Variants in ATP8B4 observed in about 807,000 individuals in gnomAD.
The protein encoded by ATP8B4 is probable phospholipid-transporting ATPase IM.
Under a neutral mutation model 145.6 loss-of-function variants are expected in ATP8B4, and 133 were observed. The observed-to-expected ratio is 0.91, with a 90% CI of 0.79 to 1.05. The LOEUF (loss-of-function observed/expected upper bound fraction) is 1.05, where lower values mean the gene tolerates loss of function less well. Among genes scored for constraint, ATP8B4 ranks in the 50% least tolerant of loss-of-function variants. The probability of loss-of-function intolerance (pLI) is 0.00; values close to 1 mark genes in which losing one functional copy is unlikely to be tolerated. For synonymous variants in ATP8B4, 507 were observed against 492.9 expected, an observed-to-expected ratio of 1.03 and a Z score of -0.38; for missense variants, 1,458 against 1,425.2, an observed-to-expected ratio of 1.02 and a Z score of -0.37.
In ATP8B4 at chr15:49,923,406, A is replaced by G; in HGVS notation, c.1731T>C (p.Leu577=). ...FEKLHPSNEV[L]LSLTSDHLSE... ...TGAGGTGGTCTGACGTCAAAGACAA[A>G]AGGACTTCATTGGAAGGATGAAGTT... The change falls in exon 17 of 28, where the codon CTT becomes CTC. Residue 577 remains leucine, a synonymous_variant. Coordinates refer to ENST00000284509, the MANE Select transcript of ATP8B4 (RefSeq NM_024837.4). 1 of 1,612,966 alleles carries G rather than the reference A, an allele frequency of 6.2e-7. No individual in the cohort carries two copies. Among genetic ancestry groups the G allele is most frequent in the Non-Finnish European group, 8.5e-7 (1 of 1,179,050 alleles).
At chr15:50,179,689 C>T (rs925119486) in intron 1 of ATP8B4, among the ~76,000 whole-genome samples, 1 of 152,186 alleles carries the variant, frequency 6.6e-6, no homozygotes, top group African/African-American at 2.4e-5. Context: ...CCTCATAAAA[C>T]AGGCCCCAGA....
intron 1 of ATP8B4, among the ~76,000 whole-genome samples, chr15:50,147,736 T>G (rs1283469190): frequency 1.3e-5 from 2 of 152,090 alleles, no homozygotes; most frequent in African/African-American, 4.8e-5. Flanking sequence ...TTGAATTTTT[T>G]GAAAATTGCT....
At chr15:50,126,113 G>A (rs2057305403) in intron 1 of ATP8B4, among the ~76,000 whole-genome samples, 1 of 152,028 alleles carries the variant, frequency 6.6e-6, no homozygotes, top group African/African-American at 2.4e-5. Flanking sequence ...TACAGGAGAG[G>A]GGAAGCCATA....
intron 1 of ATP8B4, among the ~76,000 whole-genome samples, chr15:50,117,966 A>G (rs902029698): frequency 6.6e-6 from 1 of 152,174 alleles, no homozygotes; most frequent in Non-Finnish European, 1.5e-5. Context: ...TCATGAAGGT[A>G]GAGAGGGAGA....
In ATP8B4 at chr15:49,898,225, C is replaced by G. The variant is rs2037629526; in HGVS notation, c.2316G>C (p.Lys772Asn). ...TGCAAGCAAGTTCTAGGAGATCATT[C>G]TTGACATCACTTTCTAGGGCATGAG... ...SLAHALESDV[K>N]NDLLELACMC... Residue 772 changes from lysine (K) to asparagine (N), a missense_variant, in exon 22 of 28, where the codon AAG becomes AAC. Coordinates refer to ENST00000284509, the MANE Select transcript of ATP8B4 (RefSeq NM_024837.4). 2.5e-6 allele frequency: 4 copies of G among 1,613,562 alleles called. No individual in the cohort carries two copies. The highest frequency in any genetic ancestry group is 3.4e-6 in the Non-Finnish European group (4 of 1,179,738).
At chr15:49,941,836 T>C (rs913186966) in intron 14 of ATP8B4, among the ~76,000 whole-genome samples, 1 of 152,174 alleles carries the variant, frequency 6.6e-6, no homozygotes, top group Non-Finnish European at 1.5e-5. Flanking sequence ...GTGGTATATA[T>C]ACACCGTGGA....
At chr15:50,099,861 C>T (rs1285580309) in intron 2 of ATP8B4, among the ~76,000 whole-genome samples, 3 of 151,690 alleles carry the variant, frequency 2.0e-5, no homozygotes, top group Admixed American at 2.0e-4. Context: ...CATGGAGAAA[C>T]CCCATCTCTA....
At chr15:49,922,658 G>A (rs1566996823) in intron 17 of ATP8B4, among the ~76,000 whole-genome samples, 2 of 152,098 alleles carry the variant, frequency 1.3e-5, no homozygotes, top group African/African-American at 2.4e-5. Flanking sequence ...TTGACCAGAT[G>A]CCCTTAAATG....
chr15:49,878,351 A>C (rs1438262688), intron 24 of ATP8B4, among the ~76,000 whole-genome samples: 1 of 152,140 alleles, frequency 6.6e-6, no homozygotes, highest in Non-Finnish European at 1.5e-5. Flanking sequence ...CCCTTTTTAC[A>C]TATGAGAAGG....
intron 1 of ATP8B4, among the ~76,000 whole-genome samples, chr15:50,170,073 A>G (rs999662588): frequency 1.3e-4 from 20 of 152,178 alleles, no homozygotes; most frequent in Admixed American, 1.3e-3. Flanking sequence ...TACCTGAGGA[A>G]GAAGAGAATT....
chr15:49,893,429 CA>C (rs1446815488), intron 23 of ATP8B4, among the ~76,000 whole-genome samples: 3 of 152,024 alleles, frequency 2.0e-5, no homozygotes, highest in African/African-American at 7.3e-5. Flanking sequence ...CATGGATAAA[CA>C]AAATGTAGTA....
chr15:49,865,415 C>CTAGAAA (rs1428219364), intron 26 of ATP8B4, among the ~76,000 whole-genome samples: 1 of 152,168 alleles, frequency 6.6e-6, no homozygotes, highest in Non-Finnish European at 1.5e-5. Flanking sequence ...TTGAGCCACT[C>CTAGAAA]TAGAAATTAA....
intron 13 of ATP8B4, among the ~76,000 whole-genome samples, chr15:49,965,303 T>C (rs974853591): frequency 6.6e-6 from 1 of 152,154 alleles, no homozygotes; most frequent in Non-Finnish European, 1.5e-5. Flanking sequence ...AAATCTTGCT[T>C]TAAAATACTT....
chr15:50,124,923 C>A (rs923518784), intron 1 of ATP8B4, among the ~76,000 whole-genome samples: 2 of 152,204 alleles, frequency 1.3e-5, no homozygotes, highest in African/African-American at 4.8e-5. Flanking sequence ...TTGTAAAAGT[C>A]ATTCTAACAA....
chr15:50,093,537 G>C (rs2055749601), intron 2 of ATP8B4, among the ~76,000 whole-genome samples: 1 of 152,002 alleles, frequency 6.6e-6, no homozygotes, highest in Non-Finnish European at 1.5e-5. Context: ...CTAACAGGTG[G>C]TTGGAACTAG....
intron 1 of ATP8B4, among the ~76,000 whole-genome samples, chr15:50,162,937 CA>C (rs2044543781): frequency 6.6e-6 from 1 of 152,160 alleles, no homozygotes; most frequent in Non-Finnish European, 1.5e-5. Context: ...ATGTCAATTG[CA>C]TTTTTCAGAT....
At chr15:50,173,322 T>C (rs1480802983) in intron 1 of ATP8B4, among the ~76,000 whole-genome samples, 1 of 152,108 alleles carries the variant, frequency 6.6e-6, no homozygotes, top group South Asian at 2.1e-4. Flanking sequence ...GAAGTAGACA[T>C]AGGAGACTCC....
At chr15:49,953,752 G>T (rs547632607) in intron 14 of ATP8B4, among the ~76,000 whole-genome samples, 1 of 152,334 alleles carries the variant, frequency 6.6e-6, no homozygotes, top group East Asian at 1.9e-4. Flanking sequence ...AGTTCAGCAG[G>T]GCTTAAGCAG....
rs1555455978 is a variant in ATP8B4 at position 50,012,692 on chromosome 15, A to AGTAAGAAAAAG, written c.363-1776_363-1775insCTTTTTCTTAC. 3.5e-4 allele frequency among the ~76,000 whole-genome samples: 53 copies of AGTAAGAAAAAG among 152,310 alleles called. 1 individual carries two copies. The highest frequency in any genetic ancestry group is 1.3e-3 in the African/African-American group (53 of 41,576). On this transcript the variant is annotated intron_variant, in intron 6 of 27. Transcript: ENST00000284509. ...AACGAAGAGTAAGAAAAAGAAGCACAAAATAGGTTATTTTAAAGAGGAGAA... is the reference window on the plus strand; with the variant it reads ...AACGAAGAGTAAGAAAAAGAAGCACAGTAAGAAAAAGAAATAGGTTATTTTAAAGAGGAGAA...
Sources: allele counts gnomAD v4.1 joint callset (sites outside exome capture counted in the v4.1 genomes callset), GRCh38; gene constraint gnomAD v4.1.1; transcripts MANE v1.5; gene names NCBI Gene and HGNC (gene_info 2026-07-23, HGNC 2026-07-21).